FHIT: variants seen among roughly 807,000 people sequenced by gnomAD.
FHIT encodes the protein fragile histidine triad diadenosine triphosphatase, also known as bis(5'-adenosyl)-triphosphatase.
A neutral mutation model predicts 17.9 loss-of-function variants in FHIT; 19 were observed. That is an observed-to-expected ratio of 1.06 (90% confidence interval 0.74 to 1.56). FHIT has a LOEUF of 1.56. FHIT is among the 40% of genes most tolerant of loss of function. The pLI is 0.00. For synonymous variants in FHIT, 81 were observed against 69.7 expected (o/e 1.16, Z -0.81); for missense variants, 248 against 189.2 (o/e 1.31, Z -1.82).
intron 3 of FHIT, among the ~76,000 whole-genome samples, chr3:61,032,779 G>T (rs1402734522): frequency 6.6e-6 from 1 of 152,228 alleles, no homozygotes; most frequent in Admixed American, 6.5e-5. Flanking sequence ...TAGATATACA[G>T]AAAGAGATTT....
chr3:60,587,037 A>G (rs1315061717), intron 4 of FHIT, among the ~76,000 whole-genome samples: 1 of 152,012 alleles, frequency 6.6e-6, no homozygotes. Context: ...AGGATTACAA[A>G]TTTATTAAAA....
Position 60,797,223 on chromosome 3 carries a change from G to T in FHIT, c.-18+24696C>A, listed in dbSNP as rs573378100. 2.0e-5 allele frequency among the ~76,000 whole-genome samples: 3 copies of T among 152,182 alleles called. No individual in the cohort carries two copies. In the South Asian group the frequency reaches 6.2e-4, roughly 32 times the overall value. On this transcript the variant is annotated intron_variant, in intron 4 of 9. Transcript: ENST00000492590. ...TACTCTTGTGCCAAATGATGTAATT[G>T]CCCTAGGAAAATGTTTCTACACCTC...
intron 2 of FHIT, among the ~76,000 whole-genome samples, chr3:61,083,222 CAA>C (rs1300611572): frequency 6.6e-6 from 1 of 152,176 alleles, no homozygotes; most frequent in Non-Finnish European, 1.5e-5. Context: ...GTATGTGACT[CAA>C]AGTTTTTTAG....
At position 60,423,608 on chromosome 3, in the gene FHIT, A is replaced by G. The variant is rs573015973; in HGVS notation, c.103+113252T>C. Among the ~76,000 whole-genome samples the G allele has an allele frequency of 1.6e-4, 25 of 152,242 alleles. No individual in the cohort carries two copies. The South Asian group carries it at 3.9e-3, about 24-fold the overall frequency. On this transcript the variant is annotated intron_variant, in intron 5 of 9. Transcript: ENST00000492590. ...ATAATTCTTAAAGTTTAAGAATGAC[A>G]TTTTCTAATTTCTTATGTATTAAGG...
chr3:60,512,174 T>C (rs1049056556), intron 5 of FHIT, among the ~76,000 whole-genome samples: 1 of 152,186 alleles, frequency 6.6e-6, no homozygotes, highest in African/African-American at 2.4e-5. Context: ...ACATGTCTAT[T>C]AATTCAAGTC....
At chr3:60,340,327 C>G (rs1025814763) in intron 5 of FHIT, among the ~76,000 whole-genome samples, 2 of 152,150 alleles carry the variant, frequency 1.3e-5, no homozygotes, top group Admixed American at 1.3e-4. Context: ...TTTGGTGACT[C>G]TTCCCATAAT....
chr3:60,303,319 C>T (rs1362595867), intron 5 of FHIT, among the ~76,000 whole-genome samples: 1 of 152,130 alleles, frequency 6.6e-6, no homozygotes, highest in African/African-American at 2.4e-5. Flanking sequence ...AATGTGTTTT[C>T]GTTCTCAGAT....
At chr3:60,275,268 A>G (rs1707073557) in intron 5 of FHIT, among the ~76,000 whole-genome samples, 1 of 151,838 alleles carries the variant, frequency 6.6e-6, no homozygotes, top group South Asian at 2.1e-4. Context: ...TAACTTACTT[A>G]GCAAGGTCAT....
At chr3:60,164,387 G>C (rs958868742) in intron 5 of FHIT, among the ~76,000 whole-genome samples, 1 of 152,170 alleles carries the variant, frequency 6.6e-6, no homozygotes, top group East Asian at 1.9e-4. Flanking sequence ...GCACTGCTGG[G>C]ATGTGTCAAA....
intron 3 of FHIT, among the ~76,000 whole-genome samples, chr3:61,030,709 G>A (rs1470538854): frequency 6.6e-6 from 1 of 152,170 alleles, no homozygotes; most frequent in Non-Finnish European, 1.5e-5. Context: ...AAACAAAGCA[G>A]CCTTAGAGGG....
chr3:61,130,652 A>G (rs192075684), intron 2 of FHIT, among the ~76,000 whole-genome samples: 120 of 152,364 alleles, frequency 7.9e-4, no homozygotes, highest in African/African-American at 2.8e-3. Context: ...CGAACACAGG[A>G]GCATGCCACA....
intron 5 of FHIT, among the ~76,000 whole-genome samples, chr3:60,134,533 T>C (rs1195241757): frequency 6.6e-6 from 1 of 152,200 alleles, no homozygotes; most frequent in African/African-American, 2.4e-5. Flanking sequence ...AGATTGTGAA[T>C]GACACACAAC....
chr3:60,814,819 C>A (rs2106733803), intron 4 of FHIT, among the ~76,000 whole-genome samples: 1 of 152,110 alleles, frequency 6.6e-6, no homozygotes, highest in South Asian at 2.1e-4. Flanking sequence ...ATTTACATTC[C>A]CACCAACAGT....
Position 60,899,383 on chromosome 3 carries a change from G to T in FHIT, c.-110-77372C>A, listed in dbSNP as rs147754066. Among the ~76,000 whole-genome samples, 5 of 152,138 alleles carry T rather than the reference G, an allele frequency of 3.3e-5. No homozygotes were observed. In the East Asian group the frequency reaches 7.7e-4, roughly 23 times the overall value. On this transcript the variant is annotated intron_variant, in intron 3 of 9. Transcript: ENST00000492590. ...TAACTTGCCATTTTTACTTTTCACT[G>T]CTATGAGTAATATAAAGTGAACCCC...
chr3:59,788,043 T>G (rs1699388195), intron 8 of FHIT, among the ~76,000 whole-genome samples: 1 of 152,192 alleles, frequency 6.6e-6, no homozygotes, highest in South Asian at 2.1e-4. Flanking sequence ...CCAATCAAAG[T>G]GTGACATTGG....
chr3:60,004,424 A>G (rs1237797486), intron 7 of FHIT, among the ~76,000 whole-genome samples: 1 of 152,194 alleles, frequency 6.6e-6, no homozygotes, highest in Admixed American at 6.6e-5. Context: ...CTAAAAGCAT[A>G]TAATTCTGCC....
At chr3:60,490,920 T>A (rs763645337) in intron 5 of FHIT, among the ~76,000 whole-genome samples, 4 of 152,180 alleles carry the variant, frequency 2.6e-5, no homozygotes, top group Admixed American at 6.5e-5. Flanking sequence ...TAAGGCAGTC[T>A]GGTCGATGCT....
chr3:60,207,894 T>C (rs1228864877), intron 5 of FHIT, among the ~76,000 whole-genome samples: 3 of 152,298 alleles, frequency 2.0e-5, no homozygotes, highest in South Asian at 2.1e-4. Context: ...TTTGAAATTT[T>C]CTTCATGCAA....
intron 2 of FHIT, among the ~76,000 whole-genome samples, chr3:61,081,012 A>C (rs530568098): frequency 5.4e-4 from 82 of 152,160 alleles, no homozygotes; most frequent in Non-Finnish European, 1.0e-3. Flanking sequence ...TCTTCATTTC[A>C]AGGCGGCCTG....
Sources: allele counts gnomAD v4.1 joint callset (sites outside exome capture counted in the v4.1 genomes callset), GRCh38; gene constraint gnomAD v4.1.1; transcripts MANE v1.5; gene names NCBI Gene and HGNC (gene_info 2026-07-23, HGNC 2026-07-21).